DNA2: variants seen among roughly 807,000 people sequenced by gnomAD.
The protein encoded by DNA2 is DNA replication helicase/nuclease 2, also known as DNA replication ATP-dependent helicase/nuclease DNA2.
Under a neutral mutation model 119.1 loss-of-function variants are expected in DNA2, and 101 were observed. The ratio of observed to expected loss-of-function variants is 0.85; its 90% CI spans 0.72 to 1.00. The LOEUF is 1.00. DNA2 is among the 50% of genes least tolerant of loss of function. DNA2 has a pLI of 0.00. For synonymous variants in DNA2, 366 were observed against 424.4 expected (o/e 0.86, Z 1.69); for missense variants, 1,121 against 1,255.5 (o/e 0.89, Z 1.62).
At chr10:68,417,167 A>C (rs1481665211) in intron 19 of DNA2, among the ~76,000 whole-genome samples, 1 of 151,692 alleles carries the variant, frequency 6.6e-6, no homozygotes, top group African/African-American at 2.4e-5. Flanking sequence ...TCACTGAGCC[A>C]GGGCTGCTTG....
At position 68,471,970 on chromosome 10, in the gene DNA2, G is replaced by A. The variant is rs1223576018; in HGVS notation, c.-106C>T. On this transcript the variant is annotated 5_prime_UTR_variant, in exon 1 of 21. Coordinates refer to ENST00000358410, the MANE Select transcript of DNA2 (RefSeq NM_001080449.3). Reference sequence around the variant, plus strand: ...AGGCGCGAGCCTGCGCACCTCGCGCGCATGCGCCAACCCGCAGATGTCCCA... The same window carrying A: ...AGGCGCGAGCCTGCGCACCTCGCGCACATGCGCCAACCCGCAGATGTCCCA... 1.1e-5 allele frequency: 18 copies of A among 1,611,768 alleles called. No homozygotes were observed. Among genetic ancestry groups the A allele is most frequent in the Non-Finnish European group, 1.5e-5 (18 of 1,178,548 alleles).
In DNA2 at chr10:68,439,930, G is replaced by A. The variant is rs540263883; in HGVS notation, c.1416-2689C>T. The stretch of plus-strand genomic sequence containing the variant: ...TGAGGCAGGAGAATCGCTTGAACCC[G>A]GGAGGCAGAGGTTGCATGAGCTGAG... On this transcript the variant is annotated intron_variant, in intron 9 of 20. Transcript: ENST00000358410. Among the ~76,000 whole-genome samples the A allele has an allele frequency of 1.2e-4, 18 of 151,630 alleles. 1 individual carries two copies. Among genetic ancestry groups the A allele is most frequent in the African/African-American group, 4.1e-4 (17 of 41,344 alleles).
chr10:68,430,781 A>G (rs2051810294), intron 13 of DNA2, 121 bp from the exon 14 acceptor site: 3 of 751,978 alleles, frequency 4.0e-6, no homozygotes, highest in Non-Finnish European at 6.3e-6. Flanking sequence ...AAAATTATGA[A>G]GCCAAAACAT....
intron 18 of DNA2, 97 bp downstream of exon 18, chr10:68,419,706 A>G: frequency 7.9e-6 from 7 of 886,854 alleles, no homozygotes; most frequent in South Asian, 1.5e-5. Flanking sequence ...CCTTATCTTA[A>G]TAAACGAGAC....
At chr10:68,448,609 C>T (rs7074348) in intron 6 of DNA2, among the ~76,000 whole-genome samples, 7,404 of 152,100 alleles carry the variant, frequency 0.049, 436 homozygotes, top group South Asian at 0.19. Flanking sequence ...ACAAGAATTA[C>T]TACTTTATTC....
At chr10:68,451,615 T>C (rs1303763091) in intron 5 of DNA2, among the ~76,000 whole-genome samples, 1 of 152,204 alleles carries the variant, frequency 6.6e-6, no homozygotes, top group Non-Finnish European at 1.5e-5. Context: ...ATGACTTTTC[T>C]AGTAATAAAA....
At chr10:68,429,849 T>C (rs2051795661) in intron 14 of DNA2, among the ~76,000 whole-genome samples, 1 of 151,310 alleles carries the variant, frequency 6.6e-6, no homozygotes, top group Admixed American at 6.6e-5. Flanking sequence ...TTAAGTACCA[T>C]TGTTTCTAAT....
intron 7 of DNA2, among the ~76,000 whole-genome samples, chr10:68,445,958 C>T (rs371954847): frequency 6.6e-6 from 1 of 152,016 alleles, no homozygotes; most frequent in Non-Finnish European, 1.5e-5. Context: ...GAAACCCCAT[C>T]TCTACTAAAA....
intron 5 of DNA2, among the ~76,000 whole-genome samples, chr10:68,457,593 G>T (rs1411017114): frequency 6.6e-6 from 1 of 152,012 alleles, no homozygotes; most frequent in Non-Finnish European, 1.5e-5. Flanking sequence ...GTAGGCAGTT[G>T]TATGTTTTGT....
intron 19 of DNA2, among the ~76,000 whole-genome samples, chr10:68,417,408 A>AC (rs1033815074): frequency 4.0e-5 from 6 of 151,178 alleles, no homozygotes; most frequent in Admixed American, 1.3e-4. Context: ...AAAAAAAAAA[A>AC]AAAACACTAT....
At chr10:68,469,890 A>C in intron 2 of DNA2, 91 bp downstream of exon 2, 2 of 1,169,432 alleles carry the variant, frequency 1.7e-6, no homozygotes, top group Non-Finnish European at 2.4e-6. Context: ...TAAACAATTA[A>C]ATTATAGTAA....
Position 68,422,659 on chromosome 10 carries a change from T to A in DNA2, c.2402+38A>T, listed in dbSNP as rs762067600. On this transcript the variant is annotated intron_variant, in intron 15 of 20. Transcript: ENST00000358410. ...GTGTACTAAATCTGTTCCTTGAAAA[T>A]AATCTAGTTTAAAATTAACACTTAA... 1.6e-5 allele frequency: 26 copies of A among 1,613,166 alleles called. No individual in the cohort carries two copies. In the Admixed American group the frequency reaches 4.3e-4, roughly 27 times the overall value.
chr10:68,468,399 T>G (rs2052351061), intron 2 of DNA2, 93 bp from the exon 3 acceptor site: 4 of 813,730 alleles, frequency 4.9e-6, no homozygotes, highest in Admixed American at 4.1e-5. Context: ...AATGAGTATT[T>G]TATCTGAAGA....
chr10:68,441,335 TAAA>T (rs35334686), intron 9 of DNA2, among the ~76,000 whole-genome samples: 1,724 of 121,068 alleles, frequency 0.014, 35 homozygotes, highest in African/African-American at 0.048. Flanking sequence ...CCCTGTCTCT[TAAA>T]AAAAAAAAAA....
At chr10:68,435,949 G>T (rs1244120704) in intron 10 of DNA2, among the ~76,000 whole-genome samples, 1 of 152,208 alleles carries the variant, frequency 6.6e-6, no homozygotes, top group African/African-American at 2.4e-5. Context: ...ACATGTGGTT[G>T]TAAGAATTAG....
intron 6 of DNA2, among the ~76,000 whole-genome samples, chr10:68,446,940 C>T (rs1049286332): frequency 6.6e-6 from 1 of 151,900 alleles, no homozygotes; most frequent in Admixed American, 6.6e-5. Flanking sequence ...TTTGCTAGCA[C>T]AACAAAGTGA....
rs572132781 is a variant in DNA2 at position 68,428,569 on chromosome 10, T to G, written c.2208+1867A>C. Among the ~76,000 whole-genome samples the G allele has an allele frequency of 3.3e-5, 5 of 152,258 alleles. No homozygotes were observed. In the East Asian group the frequency reaches 7.7e-4, roughly 23 times the overall value. The stretch of plus-strand genomic sequence containing the variant: ...CACAATATCCAAAAACTGGAAACAA[T>G]CCAGATTTTCAGAGGGTGAATGGTT... On this transcript the variant is annotated intron_variant, in intron 14 of 20. Transcript: ENST00000358410.
intron 14 of DNA2, among the ~76,000 whole-genome samples, chr10:68,428,270 G>A (rs1191060307): frequency 6.6e-6 from 1 of 152,164 alleles, no homozygotes; most frequent in African/African-American, 2.4e-5. Flanking sequence ...AGCTTGCAGT[G>A]AGCCAAGATT....
At position 68,419,034 on chromosome 10, in the gene DNA2, A is replaced by G. The variant is rs201688598; in HGVS notation, c.2967T>C (p.Thr989=). Residue 989 remains threonine, a splice_region_variant and synonymous_variant, in exon 19 of 21, where the codon ACT becomes ACC. Coordinates refer to ENST00000358410, the MANE Select transcript of DNA2 (RefSeq NM_001080449.3). Reference sequence around the variant, plus strand: ...TCAGTAGCAAACACAATTAACTCACAGTTCCATCCTTATTACTTCTAACAA... The same window carrying G: ...TCAGTAGCAAACACAATTAACTCACGGTTCCATCCTTATTACTTCTAACAA... The part of the protein sequence containing the change: ...VSFVRSNKDG[T]VGELLKDWRR... 7 of 1,582,744 alleles carry G rather than the reference A, an allele frequency of 4.4e-6. No homozygotes were observed. In the African/African-American group the frequency reaches 9.6e-5, roughly 22 times the overall value.
Sources: gnomAD v4.1 joint callset for allele counts (sites outside exome capture counted in the v4.1 genomes callset) on GRCh38, gnomAD v4.1.1 for gene constraint, MANE v1.5 for transcripts, NCBI Gene and HGNC (gene_info 2026-07-23, HGNC 2026-07-21) for gene names.